Variants in SLC9A1 observed in about 807,000 individuals in gnomAD.
SLC9A1 encodes solute carrier family 9 member A1, also known as sodium/hydrogen exchanger 1.
In SLC9A1, 22 loss-of-function variants were observed where a neutral mutation model predicts 67.9. The observed-to-expected ratio is 0.32, with a 90% CI of 0.23 to 0.46. The LOEUF is 0.46. SLC9A1 is among the 20% of genes least tolerant of loss of function. The probability of loss-of-function intolerance (pLI) is 1.00; values close to 1 mark genes in which losing one functional copy is unlikely to be tolerated. For synonymous variants in SLC9A1, 421 were observed against 471.8 expected (o/e 0.89, Z 1.40); for missense variants, 686 against 1,094.8 (o/e 0.63, Z 5.27).
chr1:27,114,179 G>C lies in SLC9A1; in HGVS notation c.460C>G (p.Pro154Ala). 1 of 1,614,152 alleles carries C rather than the reference G, an allele frequency of 6.2e-7. No homozygotes were observed. Among genetic ancestry groups the C allele is most frequent in the Non-Finnish European group, 8.5e-7 (1 of 1,180,012 alleles). Residue 154 changes from proline (P) to alanine (A), a missense_variant, in exon 2 of 12, where the codon CCC (proline) becomes GCC (alanine). By Grantham distance (27) the Pro-to-Ala change is conservative. Transcript: ENST00000263980. The surrounding 1 kb of genome is among the most constrained non-coding windows in gnomAD (Gnocchi z 5.4). ...GLIKGVGETP[P>A]FLQSDVFFLF... Reference sequence around the variant, plus strand: ...AAGAAGACGTCGGACTGCAGGAAGGGGGGTGTCTCGCCTACACCCTTGATC... The same window carrying C: ...AAGAAGACGTCGGACTGCAGGAAGGCGGGTGTCTCGCCTACACCCTTGATC...
intron 1 of SLC9A1, among the ~76,000 whole-genome samples, chr1:27,119,058 C>T (rs2124164294): frequency 6.6e-6 from 1 of 151,556 alleles, no homozygotes; most frequent in Non-Finnish European, 1.5e-5. Context: ...CACACACACA[C>T]ACACACACAC....
Position 27,155,024 on chromosome 1 carries a change from C to G in SLC9A1, c.-690G>C, listed in dbSNP as rs892874102. ...GGGCCAGCAGCAACACGCCCCTCCT[C>G]GCGGCCCTGGCGCGACGCGGCGCTC... On this transcript the variant is annotated 5_prime_UTR_variant, in exon 1 of 12. Transcript: ENST00000263980. This position sits in a 1 kb window ranked among gnomAD's most constrained non-coding sequence, Gnocchi z 4.5. 2 of 152,406 alleles carry G rather than the reference C, an allele frequency of 1.3e-5. No homozygotes were observed. The highest frequency in any genetic ancestry group is 6.6e-5 in the Admixed American group (1 of 15,256). 9.4% of individuals were successfully genotyped at this position (152,406 alleles called of 1,614,324 possible). A position where few individuals can be genotyped will look rare whatever the true frequency, so the allele number is the denominator to read the frequency against.
rs183829223 is a variant in SLC9A1, at chr1:27,151,057, G to A, written c.352+2926C>T. Among the ~76,000 whole-genome samples, 627 of 152,258 alleles carry A rather than the reference G, an allele frequency of 4.1e-3. 3 individuals are homozygous for A. The highest frequency in any genetic ancestry group is 6.5e-3 in the Non-Finnish European group (445 of 68,026). On this transcript the variant is annotated intron_variant, in intron 1 of 11. Transcript: ENST00000263980. ...CCCTTATCCCTACAAGGCAGCTGGT[G>A]TCATCTTCCCTCCCGCCATGACCAG... is the stretch of plus-strand genomic sequence containing the variant.
At chr1:27,142,158 C>T (rs956642057) in intron 1 of SLC9A1, among the ~76,000 whole-genome samples, 1 of 152,186 alleles carries the variant, frequency 6.6e-6, no homozygotes, top group Non-Finnish European at 1.5e-5. Flanking sequence ...TTTGCCAATG[C>T]TACCAATATC....
chr1:27,139,492 G>A (rs1243075251), intron 1 of SLC9A1, among the ~76,000 whole-genome samples: 2 of 152,316 alleles, frequency 1.3e-5, no homozygotes, highest in African/African-American at 4.8e-5. Context: ...TGCACTATGC[G>A]AAGCCCTGAG....
At position 27,114,291 on chromosome 1, in the gene SLC9A1, G is replaced by A. The variant is rs371465891; in HGVS notation, c.353-5C>T. ...TAGTGGGGATCACATGGAAACCTGC[G>A]GAGGGCGAGAGAACGGGAGGCCATG... is the stretch of plus-strand genomic sequence containing the variant. On this transcript the variant is annotated splice_polypyrimidine_tract_variant and splice_region_variant and intron_variant, in intron 1 of 11. Coordinates refer to ENST00000263980, the MANE Select transcript of SLC9A1 (RefSeq NM_003047.5). This position sits in a 1 kb window ranked among gnomAD's most constrained non-coding sequence, Gnocchi z 5.4. 2.5e-4 allele frequency: 399 copies of A among 1,602,460 alleles called. No individual in the cohort carries two copies. Among genetic ancestry groups the A allele is most frequent in the Middle Eastern group, 3.3e-4 (2 of 6,032 alleles).
At chr1:27,125,721 C>T (rs906104618) in intron 1 of SLC9A1, among the ~76,000 whole-genome samples, 20 of 152,036 alleles carry the variant, frequency 1.3e-4, no homozygotes, top group African/African-American at 3.6e-4. Flanking sequence ...CGGCCTCCTG[C>T]GTAGCTGGGA....
At chr1:27,103,509 T>C in intron 5 of SLC9A1, 197 bp from the exon 6 acceptor site, 2 of 590,386 alleles carry the variant, frequency 3.4e-6, no homozygotes, top group South Asian at 3.9e-5. Context: ...TGCTTCTTCC[T>C]GGAGACACGG....
At chr1:27,112,194 A>ATGG (rs2083232831) in intron 2 of SLC9A1, among the ~76,000 whole-genome samples, 1 of 152,182 alleles carries the variant, frequency 6.6e-6, no homozygotes, top group South Asian at 2.1e-4. Flanking sequence ...GTGCTAGAGG[A>ATGG]AGCCAGGATG....
chr1:27,131,958 A>C, intron 1 of SLC9A1, among the ~76,000 whole-genome samples: 1 of 129,680 alleles, frequency 7.7e-6, no homozygotes, highest in Non-Finnish European at 1.6e-5. Flanking sequence ...ATATATATAT[A>C]TATATATATA....
At chr1:27,131,165 C>A (rs527259033) in intron 1 of SLC9A1, among the ~76,000 whole-genome samples, 1 of 152,322 alleles carries the variant, frequency 6.6e-6, no homozygotes, top group East Asian at 1.9e-4. Context: ...GAAGCAGCCA[C>A]CACTGGGCAG....
rs1270937104 is a variant in SLC9A1, at chr1:27,109,801, G to A, written c.814-24C>T. ...ACCTGGGGAGGGTGTGCAGGCTGGT[G>A]GGTGGGAGGAGAGGGCCCTGGCCCC... On this transcript the variant is annotated intron_variant, in intron 2 of 11. Coordinates refer to ENST00000263980, the MANE Select transcript of SLC9A1 (RefSeq NM_003047.5). The surrounding 1 kb of genome is among the most constrained non-coding windows in gnomAD (Gnocchi z 5.5). The A allele has an allele frequency of 6.2e-7, 1 of 1,612,138 alleles. No individual in the cohort carries two copies. Among genetic ancestry groups the A allele is most frequent in the African/African-American group, 1.3e-5 (1 of 74,892 alleles).
At chr1:27,140,598 G>T (rs925568985) in intron 1 of SLC9A1, among the ~76,000 whole-genome samples, 2 of 152,072 alleles carry the variant, frequency 1.3e-5, no homozygotes, top group East Asian at 1.9e-4. Flanking sequence ...GCTCAGACAG[G>T]GTGATGTAGC....
intron 1 of SLC9A1, among the ~76,000 whole-genome samples, chr1:27,124,809 G>A (rs1339324885): frequency 6.6e-6 from 1 of 152,128 alleles, no homozygotes; most frequent in African/African-American, 2.4e-5. Flanking sequence ...GCCAGAAAAG[G>A]ATCAGTGAGA....
intron 1 of SLC9A1, among the ~76,000 whole-genome samples, chr1:27,132,963 C>G (rs1034617413): frequency 6.6e-6 from 1 of 152,230 alleles, no homozygotes; most frequent in Non-Finnish European, 1.5e-5. Context: ...GTGGGACCCA[C>G]CTGGCCCCGT....
rs553647199 is a variant in SLC9A1 at position 27,144,581 on chromosome 1, C to T, written c.352+9402G>A. Among the ~76,000 whole-genome samples, 6 of 152,382 alleles carry T rather than the reference C, an allele frequency of 3.9e-5. No homozygotes were observed. The South Asian group carries it at 1.2e-3, about 32-fold the overall frequency. On this transcript the variant is annotated intron_variant, in intron 1 of 11. Coordinates refer to ENST00000263980, the MANE Select transcript of SLC9A1 (RefSeq NM_003047.5). ...ACCTTTGCTCTCCCTCCTCTCTGAG[C>T]AGTCAAACTGGTTTCTTGTCTGCCC... is the stretch of plus-strand genomic sequence containing the variant.
chr1:27,144,360 T>A (rs1236745618), intron 1 of SLC9A1, among the ~76,000 whole-genome samples: 2 of 152,148 alleles, frequency 1.3e-5, no homozygotes, highest in Non-Finnish European at 2.9e-5. Context: ...CAGATCCAGA[T>A]CTTCCCAGAG....
rs528339418 is a variant in SLC9A1, at chr1:27,155,093, T to C, written c.-759A>G. On this transcript the variant is annotated 5_prime_UTR_variant, in exon 1 of 12. Coordinates refer to ENST00000263980, the MANE Select transcript of SLC9A1 (RefSeq NM_003047.5). This position sits in a 1 kb window ranked among gnomAD's most constrained non-coding sequence, Gnocchi z 4.5. The stretch of plus-strand genomic sequence containing the variant: ...GCTCCTCCTGGTCCAGCTCCAGAAC[T>C]AACCCTAGCCCCGGCCCCGGCGGCA... Among the ~76,000 whole-genome samples the C allele has an allele frequency of 6.6e-5, 10 of 152,044 alleles. No individual in the cohort carries two copies. The highest frequency in any genetic ancestry group is 2.0e-4 in the Admixed American group (3 of 15,292).
chr1:27,127,980 T>C (rs2083357124), intron 1 of SLC9A1, among the ~76,000 whole-genome samples: 2 of 152,198 alleles, frequency 1.3e-5, no homozygotes, highest in East Asian at 1.9e-4. Context: ...CTCTCCATCC[T>C]TGGGGGCTTG....
Sources: allele counts gnomAD v4.1 joint callset (sites outside exome capture counted in the v4.1 genomes callset), GRCh38; gene constraint gnomAD v4.1.1; non-coding constraint Gnocchi (gnomAD v3.1); transcripts MANE v1.5; gene names NCBI Gene and HGNC (gene_info 2026-07-23, HGNC 2026-07-21).